GABBR2: variants seen among roughly 807,000 people sequenced by gnomAD.
GABBR2 encodes gamma-aminobutyric acid type B receptor subunit 2.
Under a neutral mutation model 105.6 loss-of-function variants are expected in GABBR2, and 23 were observed. The ratio of observed to expected loss-of-function variants is 0.22; its 90% CI spans 0.16 to 0.31. The LOEUF (loss-of-function observed/expected upper bound fraction) is 0.31, where lower values mean the gene tolerates loss of function less well. GABBR2 is among the 10% of genes least tolerant of loss of function. GABBR2 has a pLI of 1.00. For synonymous variants in GABBR2, 478 were observed against 499.7 expected (o/e 0.96, Z 0.58); for missense variants, 734 against 1,245.5 (o/e 0.59, Z 6.18).
At chr9:98,359,756 G>A (rs1831550285) in intron 13 of GABBR2, among the ~76,000 whole-genome samples, 1 of 152,216 alleles carries the variant, frequency 6.6e-6, no homozygotes, top group African/African-American at 2.4e-5. Flanking sequence ...GTCTTCCCAT[G>A]GAAGATGCCG....
intron 3 of GABBR2, among the ~76,000 whole-genome samples, chr9:98,514,254 T>C (rs1827713047): frequency 7.7e-6 from 1 of 129,936 alleles, no homozygotes. Flanking sequence ...GGGACTGTTG[T>C]GGGGTAGGGG....
At chr9:98,539,293 A>G (rs2131737665) in intron 3 of GABBR2, among the ~76,000 whole-genome samples, 1 of 152,270 alleles carries the variant, frequency 6.6e-6, no homozygotes, top group East Asian at 1.9e-4. Context: ...GCACACAACC[A>G]ATGTCAGGGC....
At chr9:98,440,023 C>A (rs1019515084) in intron 7 of GABBR2, among the ~76,000 whole-genome samples, 1 of 152,172 alleles carries the variant, frequency 6.6e-6, no homozygotes, top group African/African-American at 2.4e-5. Context: ...AAGGTCCCAG[C>A]CTACTTCCTT....
At chr9:98,487,813 A>G (rs961079108) in intron 4 of GABBR2, among the ~76,000 whole-genome samples, 1 of 152,122 alleles carries the variant, frequency 6.6e-6, no homozygotes, top group African/African-American at 2.4e-5. Context: ...CCACATCCTA[A>G]TCCCCAGAAC....
At chr9:98,475,054 A>T (rs1043444494) in intron 5 of GABBR2, among the ~76,000 whole-genome samples, 2 of 152,204 alleles carry the variant, frequency 1.3e-5, no homozygotes, top group African/African-American at 4.8e-5. Flanking sequence ...ATTGCTTAAC[A>T]AAAGACCCCT....
At chr9:98,353,679 A>C (rs1163066461) in intron 13 of GABBR2, among the ~76,000 whole-genome samples, 1 of 152,176 alleles carries the variant, frequency 6.6e-6, no homozygotes, top group Non-Finnish European at 1.5e-5. Flanking sequence ...TTACATCTCC[A>C]TCAGAGCTCT....
rs369524977 is a variant in GABBR2, at chr9:98,415,029, G to A, written c.1237-8888C>T. On this transcript the variant is annotated intron_variant, in intron 7 of 18. Coordinates refer to ENST00000259455, the MANE Select transcript of GABBR2 (RefSeq NM_005458.8). ...GTCCACCAAGATTCTCAGATAACTC[G>A]GTTACAGCAGCTAGTGTTATTTCTC... Among the ~76,000 whole-genome samples the A allele has an allele frequency of 3.4e-4, 51 of 151,606 alleles. 1 individual carries two copies. The South Asian group carries it at 6.6e-3, about 20-fold the overall frequency.
intron 1 of GABBR2, among the ~76,000 whole-genome samples, chr9:98,701,053 G>T (rs533445533): frequency 6.6e-6 from 1 of 152,276 alleles, no homozygotes; most frequent in African/African-American, 2.4e-5. Flanking sequence ...ATATATCCTA[G>T]ATACTATCCA....
Position 98,303,096 on chromosome 9 carries a change from C to T in GABBR2, c.2412+145G>A, listed in dbSNP as rs150291242. On this transcript the variant is annotated intron_variant, in intron 16 of 18. Transcript: ENST00000259455. ...TGCCTCTGTGTGGTTTATGTCACCC[C>T]TGGCTCTCGCAGCTGCAACTGCAGC... The T allele has an allele frequency of 5.1e-5, 31 of 603,876 alleles. No individual in the cohort carries two copies. In the East Asian group the frequency reaches 8.7e-4, roughly 17 times the overall value. 37.4% of individuals were successfully genotyped at this position (603,876 alleles called of 1,614,324 possible). A position where few individuals can be genotyped will look rare whatever the true frequency, so the allele number is the denominator to read the frequency against.
chr9:98,425,606 G>T (rs901618605), intron 7 of GABBR2, among the ~76,000 whole-genome samples: 1 of 152,152 alleles, frequency 6.6e-6, no homozygotes, highest in Non-Finnish European at 1.5e-5. Flanking sequence ...GTGTTCAAAG[G>T]CTCCAAACCT....
intron 7 of GABBR2, among the ~76,000 whole-genome samples, chr9:98,416,334 G>A (rs1282455003): frequency 6.6e-6 from 1 of 152,186 alleles, no homozygotes; most frequent in African/African-American, 2.4e-5. Context: ...CAAGCGAGGA[G>A]GCCACAAATC....
chr9:98,388,985 G>A lies in GABBR2; in HGVS notation c.1398C>T (p.Asp466=), dbSNP rs767281007. The A allele has an allele frequency of 1.2e-6, 2 of 1,613,416 alleles. No homozygotes were observed. The highest frequency in any genetic ancestry group is 2.7e-5 in the African/African-American group (2 of 74,920). Residue 466 remains aspartate, a synonymous_variant, in exon 10 of 19, where the codon GAC becomes GAT. Coordinates refer to ENST00000259455, the MANE Select transcript of GABBR2 (RefSeq NM_005458.8). This position sits in a 1 kb window ranked among gnomAD's most constrained non-coding sequence, Gnocchi z 4.4. ...GCAGCTGCTCCAGGATGATGGTCTT[G>A]TCTTTTGGTGGTTCGGATCCTAGAG... ...IRFQGSEPPK[D]KTIILEQLRK...
intron 8 of GABBR2, among the ~76,000 whole-genome samples, chr9:98,402,282 T>C (rs1425541663): frequency 2.0e-5 from 3 of 152,086 alleles, no homozygotes; most frequent in Non-Finnish European, 4.4e-5. Context: ...CTGCTGCAAA[T>C]TCAGAGCCAT....
chr9:98,456,367 C>A (rs983347976), intron 6 of GABBR2, among the ~76,000 whole-genome samples: 1 of 152,188 alleles, frequency 6.6e-6, no homozygotes, highest in African/African-American at 2.4e-5. Context: ...GGATGGCTTC[C>A]TTGACCCACC....
At chr9:98,370,851 G>A (rs1005405849) in intron 12 of GABBR2, among the ~76,000 whole-genome samples, 1 of 152,124 alleles carries the variant, frequency 6.6e-6, no homozygotes, top group African/African-American at 2.4e-5. Flanking sequence ...CACGGGTGGC[G>A]AATGCGGTCC....
chr9:98,611,021 G>A (rs1165894079), intron 1 of GABBR2, among the ~76,000 whole-genome samples: 2 of 152,014 alleles, frequency 1.3e-5, no homozygotes, highest in African/African-American at 4.8e-5. Flanking sequence ...AAAAAACAAG[G>A]TGCCTCCTTG....
Position 98,360,162 on chromosome 9 carries a change from C to G in GABBR2, c.1893+2553G>C, listed in dbSNP as rs565534694. On this transcript the variant is annotated intron_variant, in intron 13 of 18. Coordinates refer to ENST00000259455, the MANE Select transcript of GABBR2 (RefSeq NM_005458.8). ...GTCTTTCATCATCTCTCCCCCAAGCCTAGGCTTTCTGTTTGGAGATCCTGG... is the reference window on the plus strand; with the variant it reads ...GTCTTTCATCATCTCTCCCCCAAGCGTAGGCTTTCTGTTTGGAGATCCTGG... Among the ~76,000 whole-genome samples, 6 of 152,304 alleles carry G rather than the reference C, an allele frequency of 3.9e-5. No individual in the cohort carries two copies. The South Asian group carries it at 1.2e-3, about 32-fold the overall frequency.
chr9:98,516,700 C>A (rs143776950), intron 3 of GABBR2, among the ~76,000 whole-genome samples: 1 of 152,156 alleles, frequency 6.6e-6, no homozygotes, highest in Non-Finnish European at 1.5e-5. Context: ...GATCCTGGCT[C>A]CTAGCTCCTG....
intron 1 of GABBR2, among the ~76,000 whole-genome samples, chr9:98,654,679 G>C (rs1830155580): frequency 6.6e-6 from 1 of 152,180 alleles, no homozygotes; most frequent in South Asian, 2.1e-4. Flanking sequence ...GTGGGGAGTA[G>C]GGAGCAGTCC....
Sources: gnomAD v4.1 joint callset for allele counts (sites outside exome capture counted in the v4.1 genomes callset) on GRCh38, gnomAD v4.1.1 for gene constraint, Gnocchi (gnomAD v3.1) non-coding constraint, MANE v1.5 for transcripts, NCBI Gene and HGNC (gene_info 2026-07-23, HGNC 2026-07-21) for gene names.